The following TBX3 variants were observed in gnomAD, a reference collection of about 807,000 sequenced individuals.
TBX3 encodes T-box transcription factor TBX3.
TBX3 carries 11 observed loss-of-function variants against 47.8 expected under a neutral mutation model. The observed-to-expected ratio is 0.23, with a 90% CI of 0.14 to 0.38. The LOEUF is 0.38. Ranked by LOEUF, TBX3 falls within the 10% of genes least tolerant of loss-of-function variation. TBX3 has a pLI of 1.00. For synonymous variants in TBX3, 500 were observed against 449.3 expected, an observed-to-expected ratio of 1.11 and a Z score of -1.43; for missense variants, 927 against 1,022.8, an observed-to-expected ratio of 0.91 and a Z score of 1.28.
At chr12:114,675,649 T>A (rs959530279) in intron 5 of TBX3, among the ~76,000 whole-genome samples, 18 of 138,770 alleles carry the variant, frequency 1.3e-4, no homozygotes, top group South Asian at 4.5e-4. Flanking sequence ...TGTGTGTGTG[T>A]GTGTGTGTGT....
chr12:114,672,425 G>GTT, intron 6 of TBX3, 123 bp from the exon 7 acceptor site: 1 of 683,964 alleles, frequency 1.5e-6, no homozygotes. Flanking sequence ...TTCTGTTGTT[G>GTT]TTGTTGTTGT....
chr12:114,681,419 T>C (rs1372299979), intron 1 of TBX3, among the ~76,000 whole-genome samples: 1 of 152,164 alleles, frequency 6.6e-6, no homozygotes, highest in Non-Finnish European at 1.5e-5. Flanking sequence ...TCTAACAATT[T>C]CTTCAATATT....
At position 114,671,572 on chromosome 12, in the gene TBX3, TA is replaced by T. The variant is rs1250637422; in HGVS notation, c.*268del. 10 of 554,872 alleles carry T rather than the reference TA, an allele frequency of 1.8e-5. No individual in the cohort carries two copies. Among genetic ancestry groups the T allele is most frequent in the Non-Finnish European group, 2.9e-5 (9 of 309,562 alleles). 34.4% of individuals were successfully genotyped at this position (554,872 alleles called of 1,614,324 possible). On this transcript the variant is annotated 3_prime_UTR_variant, in exon 7 of 7. Transcript: ENST00000349155. ...GCCTTGCTGGAAGTTGCTCTGGACA[TA>T]AATGTTGGAACTCCTACCCCCAGTA... is the stretch of plus-strand genomic sequence containing the variant.
At position 114,672,088 on chromosome 12, in the gene TBX3, G is replaced by C. The variant is rs1239302522; in HGVS notation, c.1925C>G (p.Ser642Cys). Residue 642 changes from serine to cysteine, a missense_variant, in exon 7 of 7, where the codon TCC becomes TGC. By Grantham distance (112) the Ser-to-Cys change is moderately radical (BLOSUM62 -1). Transcript: ENST00000349155. ...GSSLLTTALP[S>C]MAAAAGPLDG... Reference sequence around the variant, plus strand: ...CAGGGGCCCCGCGGCCGCCGCCATGGAGGGCAGGGCGGTGGTGAGCAGACT... The same window carrying C: ...CAGGGGCCCCGCGGCCGCCGCCATGCAGGGCAGGGCGGTGGTGAGCAGACT... 6.4e-7 allele frequency: 1 copy of C among 1,568,942 alleles called. No homozygotes were observed.
chr12:114,679,359 CT>C (rs773532433), intron 3 of TBX3, 145 bp downstream of exon 3: 6 of 1,160,036 alleles, frequency 5.2e-6, no homozygotes, highest in Non-Finnish European at 7.6e-6. Flanking sequence ...TGTCATTGTC[CT>C]TTCCCCCCAA....
At chr12:114,675,630 G>A (rs1028279735) in intron 5 of TBX3, among the ~76,000 whole-genome samples, 3 of 106,014 alleles carry the variant, frequency 2.8e-5, no homozygotes, top group African/African-American at 1.2e-4. Context: ...TCTTCCCGTT[G>A]AGAGTGTGTG....
Position 114,682,890 on chromosome 12 carries a change from T to C in TBX3, c.311A>G (p.Lys104Arg), listed in dbSNP as rs150806908. The C allele has an allele frequency of 5.0e-6, 8 of 1,614,026 alleles. No individual in the cohort carries two copies. Among genetic ancestry groups the C allele is most frequent in the Middle Eastern group, 1.6e-4 (1 of 6,084 alleles). Residue 104 changes from lysine to arginine, a missense_variant, in exon 1 of 7, where the codon AAG becomes AGG. This residue lies in a region of TBX3 where 216 missense variants were observed against 281.2 expected (regional missense o/e 0.77). Transcript: ENST00000349155. The part of the protein sequence containing the change: ...EPEEEVEDDP[K>R]VHLEAKELWD... Reference sequence around the variant, plus strand: ...AAGTTCTTTAGCCTCCAGGTGCACCTTGGGGTCGTCCTCCACCTCTTCTTC... The same window carrying C: ...AAGTTCTTTAGCCTCCAGGTGCACCCTGGGGTCGTCCTCCACCTCTTCTTC...
At chr12:114,675,142 CTTTT>C (rs1052508560) in intron 5 of TBX3, among the ~76,000 whole-genome samples, 9 of 152,294 alleles carry the variant, frequency 5.9e-5, no homozygotes, top group African/African-American at 2.2e-4. Flanking sequence ...AATTTTACTT[CTTTT>C]TTTGAGTTCC....
chr12:114,671,593 C>A lies in TBX3; in HGVS notation c.*248G>T, dbSNP rs947852569. The A allele has an allele frequency of 8.5e-6, 5 of 587,812 alleles. No homozygotes were observed. The highest frequency in any genetic ancestry group is 1.5e-5 in the Non-Finnish European group (5 of 330,894). 36.4% of individuals were successfully genotyped at this position (587,812 alleles called of 1,614,324 possible). A position where few individuals can be genotyped will look rare whatever the true frequency, so the allele number is the denominator to read the frequency against. On this transcript the variant is annotated 3_prime_UTR_variant, in exon 7 of 7. Coordinates refer to ENST00000349155, the MANE Select transcript of TBX3 (RefSeq NM_005996.4). ...GACATAAATGTTGGAACTCCTACCC[C>A]CAGTAGCTCAATGCAACCGACGTTT...
At chr12:114,672,440 T>G in intron 6 of TBX3, 138 bp from the exon 7 acceptor site, 2 of 516,710 alleles carry the variant, frequency 3.9e-6, no homozygotes, top group Non-Finnish European at 5.9e-6. Context: ...TGTTGTGTTT[T>G]TTTTTTTGGG....
rs999494296 is a variant in TBX3 at position 114,671,710 on chromosome 12, G to A, written c.*131C>T. ...CTAGCACATTCTCTCGAGGGAGTCCGGGGCCCCTTCCCAGACGCAACTGCA... is the reference window on the plus strand; with the variant it reads ...CTAGCACATTCTCTCGAGGGAGTCCAGGGCCCCTTCCCAGACGCAACTGCA... On this transcript the variant is annotated 3_prime_UTR_variant, in exon 7 of 7. Transcript: ENST00000349155. 22 of 1,212,490 alleles carry A rather than the reference G, an allele frequency of 1.8e-5. No individual in the cohort carries two copies. In the Middle Eastern group the frequency reaches 8.0e-4, roughly 44 times the overall value. 75.1% of individuals were successfully genotyped at this position (1,212,490 alleles called of 1,614,324 possible).
In TBX3 at chr12:114,683,362, A is replaced by C; in HGVS notation, c.-162T>G. ...GAAAAGGAGGCAGAAATCACAACTAATGCACTTCAAAGGGAGGAGGGGAAG... is the reference window on the plus strand; with the variant it reads ...GAAAAGGAGGCAGAAATCACAACTACTGCACTTCAAAGGGAGGAGGGGAAG... On this transcript the variant is annotated 5_prime_UTR_variant, in exon 1 of 7. Coordinates refer to ENST00000349155, the MANE Select transcript of TBX3 (RefSeq NM_005996.4). This position sits in a 1 kb window ranked among gnomAD's most constrained non-coding sequence, Gnocchi z 7.7. The C allele has an allele frequency of 1.6e-5, 15 of 924,568 alleles. No individual in the cohort carries two copies. The highest frequency in any genetic ancestry group is 2.2e-5 in the Non-Finnish European group (14 of 627,802). 57.3% of individuals were successfully genotyped at this position (924,568 alleles called of 1,614,324 possible).
At chr12:114,674,100 G>A (rs2121381553) in intron 6 of TBX3, 65 bp downstream of exon 6, 1 of 1,550,044 alleles carries the variant, frequency 6.5e-7, no homozygotes, top group South Asian at 1.2e-5. Flanking sequence ...GGGTCTGCTG[G>A]CAAAGGACAG....
chr12:114,679,638 G>C lies in TBX3; in HGVS notation c.671C>G (p.Ser224Cys). 1 of 1,614,128 alleles carries C rather than the reference G, an allele frequency of 6.2e-7. No homozygotes were observed. The highest frequency in any genetic ancestry group is 8.5e-7 in the Non-Finnish European group (1 of 1,180,012). Reference protein sequence around the residue: ...SDKHGFTILNSMHKYQPRFHI... With the variant: ...SDKHGFTILNCMHKYQPRFHI... ...GAACCGGGGCTGGTATTTGTGCATG[G>C]AGTTCAATATAGTCTGCAGGGGCAG... The change falls in exon 3 of 7, where the codon TCC becomes TGC. Residue 224 changes from serine (S) to cysteine (C), a missense_variant. Ser to Cys is a moderately radical substitution (Grantham distance 112). Coordinates refer to ENST00000349155, the MANE Select transcript of TBX3 (RefSeq NM_005996.4).
At position 114,670,275 on chromosome 12, in the gene TBX3, T is replaced by C. The variant is rs1233348154; in HGVS notation, c.*1566A>G. 1.4e-5 allele frequency: 3 copies of C among 216,838 alleles called. No homozygotes were observed. The highest frequency in any genetic ancestry group is 2.2e-5 in the African/African-American group (1 of 44,506). 13.4% of individuals were successfully genotyped at this position (216,838 alleles called of 1,614,324 possible). The stretch of plus-strand genomic sequence containing the variant: ...CCAAAGACATTTCAATAAAAATTTA[T>C]TGAAATTTCAGTGATGTTTTAAAGA... On this transcript the variant is annotated 3_prime_UTR_variant, in exon 7 of 7. Coordinates refer to ENST00000349155, the MANE Select transcript of TBX3 (RefSeq NM_005996.4).
intron 1 of TBX3, among the ~76,000 whole-genome samples, chr12:114,681,871 A>C (rs1868943150): frequency 6.6e-6 from 1 of 152,220 alleles, no homozygotes; most frequent in Non-Finnish European, 1.5e-5. Context: ...GGAAGCAAGG[A>C]AGCACTTTGC....
At chr12:114,673,567 T>A (rs1868552884) in intron 6 of TBX3, among the ~76,000 whole-genome samples, 1 of 152,094 alleles carries the variant, frequency 6.6e-6, no homozygotes. Flanking sequence ...GCTGGAGGAA[T>A]CAAGACTGAA....
chr12:114,676,177 T>C, intron 5 of TBX3, 136 bp downstream of exon 5: 2 of 1,144,558 alleles, frequency 1.7e-6, no homozygotes, highest in African/African-American at 1.5e-5. Flanking sequence ...TTTTGAACTC[T>C]GGCTTCTGTT....
chr12:114,677,788 G>T, intron 3 of TBX3, 132 bp from the exon 4 acceptor site: 1 of 817,276 alleles, frequency 1.2e-6, no homozygotes, highest in Non-Finnish European at 2.0e-6. Flanking sequence ...GCCAGGGAAA[G>T]GAGATAATAA....
Sources: gnomAD v4.1 joint callset for allele counts (sites outside exome capture counted in the v4.1 genomes callset) on GRCh38, gnomAD v4.1.1 for gene constraint, gnomAD v4.1.1 regional missense constraint, Gnocchi (gnomAD v3.1) non-coding constraint, MANE v1.5 for transcripts, NCBI Gene and HGNC (gene_info 2026-07-23, HGNC 2026-07-21) for gene names.